AFAP1: variants seen among roughly 807,000 people sequenced by gnomAD.
AFAP1 encodes the protein actin filament-associated protein 1.
Under a neutral mutation model 93.9 loss-of-function variants are expected in AFAP1, and 75 were observed. That is an observed-to-expected ratio of 0.80 (90% confidence interval 0.66 to 0.97). The LOEUF is 0.97. Ranked by LOEUF, AFAP1 falls within the 50% of genes least tolerant of loss-of-function variation. AFAP1 has a pLI of 0.00. For missense variants in AFAP1, 1,201 were observed against 1,050.8 expected, an observed-to-expected ratio of 1.14 and a Z score of -1.98; for synonymous variants, 517 against 430.7, an observed-to-expected ratio of 1.20 and a Z score of -2.48.
intron 8 of AFAP1, among the ~76,000 whole-genome samples, chr4:7,813,086 C>T (rs1204358761): frequency 2.0e-5 from 3 of 152,236 alleles, no homozygotes; most frequent in Non-Finnish European, 2.9e-5. Context: ...TGGCTTTGAC[C>T]GCATGGAGCC....
chr4:7,837,173 C>A (rs1024734351), intron 6 of AFAP1, among the ~76,000 whole-genome samples: 2 of 152,154 alleles, frequency 1.3e-5, no homozygotes, highest in Admixed American at 1.3e-4. Flanking sequence ...ATTCTAGATA[C>A]AAGCCAAAAT....
chr4:7,806,225 G>C (rs1257383572), intron 9 of AFAP1, among the ~76,000 whole-genome samples: 5 of 152,222 alleles, frequency 3.3e-5, no homozygotes, highest in African/African-American at 1.2e-4. Context: ...AGGCGTTGCA[G>C]GGTTAGGCGG....
intron 12 of AFAP1, 76 bp downstream of exon 12, chr4:7,786,118 G>A (rs926607889): frequency 7.3e-7 from 1 of 1,361,410 alleles, no homozygotes; most frequent in African/African-American, 1.4e-5. Flanking sequence ...CTGAAACCAG[G>A]GGAACTGAAG....
chr4:7,859,149 G>A (rs1288436382), intron 3 of AFAP1, among the ~76,000 whole-genome samples: 3 of 152,192 alleles, frequency 2.0e-5, no homozygotes, highest in Admixed American at 1.3e-4. Flanking sequence ...GGTTGGGCGC[G>A]GTGGCTCACG....
intron 7 of AFAP1, 117 bp from the exon 8 acceptor site, chr4:7,816,216 C>G: frequency 1.2e-6 from 1 of 840,036 alleles, no homozygotes; most frequent in Non-Finnish European, 1.9e-6. Flanking sequence ...AAATTCATAG[C>G]AATCCAGAAG....
chr4:7,801,914 C>CAAAAAAAAAAAAAAAAAAAAAAAAA (rs531684652), intron 9 of AFAP1, among the ~76,000 whole-genome samples: 9 of 65,196 alleles, frequency 1.4e-4, no homozygotes, highest in South Asian at 9.8e-4. Context: ...GACCCTATCA[C>CAAAAAAAAAAAAAAAAAAAAAAAAA]AAAAAAAAAA....
At chr4:7,823,599 T>C (rs1312578533) in intron 6 of AFAP1, among the ~76,000 whole-genome samples, 5 of 152,200 alleles carry the variant, frequency 3.3e-5, no homozygotes, top group African/African-American at 7.2e-5. Flanking sequence ...CAGCTCCGAC[T>C]TTCTAGCAGA....
At chr4:7,892,644 G>A (rs138718490) in intron 1 of AFAP1, among the ~76,000 whole-genome samples, 6 of 152,262 alleles carry the variant, frequency 3.9e-5, no homozygotes, top group Non-Finnish European at 7.4e-5. Flanking sequence ...TGATTAACAC[G>A]GGATCTGGTG....
intron 5 of AFAP1, 119 bp from the exon 6 acceptor site, chr4:7,838,822 A>T: frequency 5.8e-6 from 6 of 1,037,146 alleles, no homozygotes; most frequent in Non-Finnish European, 7.1e-6. Context: ...CTGAATCTGC[A>T]GATGAGCAGG....
At chr4:7,876,481 A>T (rs1717513639) in intron 1 of AFAP1, among the ~76,000 whole-genome samples, 1 of 152,198 alleles carries the variant, frequency 6.6e-6, no homozygotes, top group African/African-American at 2.4e-5. Flanking sequence ...TCTTGAACTG[A>T]AAATATAGAA....
Position 7,774,901 on chromosome 4 carries a change from C to T in AFAP1, c.1900G>A (p.Ala634Thr), listed in dbSNP as rs763411074. The T allele has an allele frequency of 6.2e-7, 1 of 1,601,442 alleles. No individual in the cohort carries two copies. The highest frequency in any genetic ancestry group is 8.5e-7 in the Non-Finnish European group (1 of 1,176,512). ...TTCTTGCCATACTTGTACTGGGCAG[C>T]ATCTTGAGAAGAAAAAAAAGCAGCA... is the stretch of plus-strand genomic sequence containing the variant. ...AAVVKRTGSNAAQYKYGKNRV... is the reference protein window; with the variant it reads ...AAVVKRTGSNTAQYKYGKNRV... Residue 634 changes from alanine to threonine, a missense_variant and splice_region_variant, in exon 15 of 18, where the codon GCT becomes ACT. By Grantham distance (58) the Ala-to-Thr change is moderately conservative. Transcript: ENST00000420658.
intron 10 of AFAP1, among the ~76,000 whole-genome samples, chr4:7,797,909 C>A (rs1414496118): frequency 2.0e-5 from 3 of 152,202 alleles, no homozygotes; most frequent in Non-Finnish European, 4.4e-5. Flanking sequence ...AGAGTACACA[C>A]GCAGGGCTGT....
chr4:7,848,065 G>A (rs1055284111), intron 4 of AFAP1, among the ~76,000 whole-genome samples: 5 of 137,360 alleles, frequency 3.6e-5, no homozygotes, highest in African/African-American at 1.5e-4. Flanking sequence ...AGGTGGATGG[G>A]TGAGTGGGTG....
At chr4:7,797,752 G>A (rs1421197981) in intron 10 of AFAP1, among the ~76,000 whole-genome samples, 1 of 152,182 alleles carries the variant, frequency 6.6e-6, no homozygotes, top group African/African-American at 2.4e-5. Context: ...TCCTGACTGT[G>A]ATCATATTAC....
At chr4:7,924,048 A>C (rs1720582068) in intron 1 of AFAP1, among the ~76,000 whole-genome samples, 1 of 152,236 alleles carries the variant, frequency 6.6e-6, no homozygotes, top group South Asian at 2.1e-4. Flanking sequence ...TCAATTTAAA[A>C]TGTCTGATAG....
At chr4:7,860,001 G>C (rs1715488441) in intron 3 of AFAP1, among the ~76,000 whole-genome samples, 2 of 152,076 alleles carry the variant, frequency 1.3e-5, no homozygotes, top group Admixed American at 6.5e-5. Flanking sequence ...AAATTAGCCA[G>C]GCATGATGGT....
chr4:7,842,895 AT>A, intron 5 of AFAP1: 3 of 509,108 alleles, frequency 5.9e-6, no homozygotes, highest in Non-Finnish European at 1.1e-5. Flanking sequence ...AATGGGAATG[AT>A]TTTGTTCGCT....
At chr4:7,799,061 T>C (rs1718769096) in intron 10 of AFAP1, 1 of 986,132 alleles carries the variant, frequency 1.0e-6, no homozygotes, top group Non-Finnish European at 1.2e-6. Flanking sequence ...CCTACATAAA[T>C]GTTTACAAGG....
chr4:7,779,723 C>G (rs916154632), intron 13 of AFAP1, among the ~76,000 whole-genome samples: 1 of 152,154 alleles, frequency 6.6e-6, no homozygotes, highest in Admixed American at 6.5e-5. Context: ...TCTGAGCCGC[C>G]ATTTGATCAT....
Sources: gnomAD v4.1 joint callset for allele counts (sites outside exome capture counted in the v4.1 genomes callset) on GRCh38, gnomAD v4.1.1 for gene constraint, MANE v1.5 for transcripts, NCBI Gene and HGNC (gene_info 2026-07-23, HGNC 2026-07-21) for gene names.